The following FMN1 variants were observed in gnomAD, a reference collection of about 807,000 sequenced individuals.
The protein encoded by FMN1 is formin 1.
FMN1 carries 110 observed loss-of-function variants against 132.4 expected under a neutral mutation model. That is an observed-to-expected ratio of 0.83 (90% CI 0.71 to 0.97). The LOEUF is 0.97. Ranked by LOEUF, FMN1 falls within the 50% of genes least tolerant of loss-of-function variation. The probability of loss-of-function intolerance (pLI) is 0.00; values close to 1 mark genes in which losing one functional copy is unlikely to be tolerated. For missense variants in FMN1, 1,792 were observed against 1,705.3 expected, an observed-to-expected ratio of 1.05 and a Z score of -0.90; for synonymous variants, 722 against 651.7, an observed-to-expected ratio of 1.11 and a Z score of -1.64.
chr15:32,964,396 G>T (rs1279554199), intron 8 of FMN1, 139 bp from the exon 9 acceptor site: 1 of 623,754 alleles, frequency 1.6e-6, no homozygotes, highest in Non-Finnish European at 2.7e-6. Context: ...TTGGAGAAAA[G>T]CTTTTTATGT....
chr15:32,834,490 C>T (rs1333600240), intron 17 of FMN1, among the ~76,000 whole-genome samples: 4 of 152,162 alleles, frequency 2.6e-5, no homozygotes, highest in Admixed American at 2.6e-4. Context: ...AGATAAAACA[C>T]AAACAAAAGA....
intron 9 of FMN1, among the ~76,000 whole-genome samples, chr15:32,930,123 G>A (rs1159909166): frequency 2.6e-5 from 4 of 151,050 alleles, no homozygotes; most frequent in African/African-American, 9.8e-5. Context: ...CCAAGTAGCT[G>A]GGATTACAGG....
At chr15:32,785,945 C>T (rs1277914865) in intron 19 of FMN1, among the ~76,000 whole-genome samples, 2 of 152,130 alleles carry the variant, frequency 1.3e-5, no homozygotes, top group Admixed American at 6.5e-5. Context: ...ATATGAATCT[C>T]TTTAAAAAAA....
intron 7 of FMN1, among the ~76,000 whole-genome samples, chr15:32,975,471 C>G (rs897122361): frequency 1.3e-5 from 2 of 152,256 alleles, no homozygotes; most frequent in South Asian, 2.1e-4. Flanking sequence ...TTTCTCTTTG[C>G]TATTCCCATA....
intron 3 of FMN1, among the ~76,000 whole-genome samples, chr15:33,176,819 C>A (rs892813056): frequency 1.3e-5 from 2 of 152,162 alleles, no homozygotes; most frequent in African/African-American, 4.8e-5. Context: ...TTAAAGGAAT[C>A]CAGCTTCACT....
chr15:32,942,064 C>T (rs1358533576), intron 9 of FMN1, among the ~76,000 whole-genome samples: 1 of 152,180 alleles, frequency 6.6e-6, no homozygotes, highest in African/African-American at 2.4e-5. Flanking sequence ...TTAGACATGC[C>T]TAGTTTAAGG....
At chr15:32,888,413 G>T in intron 15 of FMN1, 121 bp from the exon 16 acceptor site, 1 of 811,750 alleles carries the variant, frequency 1.2e-6, no homozygotes. Context: ...AAGAATCATA[G>T]CAATGCTCCT....
At chr15:33,082,020 G>GGGGTGTGTGTGTGTGTGT (rs1355703560) in intron 5 of FMN1, among the ~76,000 whole-genome samples, 6 of 117,762 alleles carry the variant, frequency 5.1e-5, no homozygotes, top group African/African-American at 1.7e-4. Context: ...AGAGTTCAGG[G>GGGGTGTGTGTGTGTGTGT]GTGTGTGTGT....
At chr15:33,107,104 TCA>T (rs913546621) in intron 4 of FMN1, among the ~76,000 whole-genome samples, 14 of 152,150 alleles carry the variant, frequency 9.2e-5, no homozygotes, top group African/African-American at 2.9e-4. Context: ...TAAATAGCTC[TCA>T]GTTTCTAAGA....
intron 4 of FMN1, among the ~76,000 whole-genome samples, chr15:33,092,593 GT>G (rs557004704): frequency 2.0e-4 from 30 of 152,228 alleles, no homozygotes; most frequent in Admixed American, 1.2e-3. Context: ...TGGAACATCT[GT>G]CCCAGGCACA....
At chr15:32,799,078 G>A in intron 18 of FMN1, 125 bp from the exon 19 acceptor site, 1 of 704,370 alleles carries the variant, frequency 1.4e-6, no homozygotes, top group Non-Finnish European at 2.3e-6. Context: ...AGAAGCTGGG[G>A]GCTCATAGTT....
intron 12 of FMN1, among the ~76,000 whole-genome samples, chr15:32,905,774 G>A (rs1418911301): frequency 6.6e-6 from 1 of 152,144 alleles, no homozygotes; most frequent in African/African-American, 2.4e-5. Context: ...GCTTATAGTC[G>A]ACTCACTTGG....
chr15:32,961,523 T>C (rs997316107), intron 9 of FMN1, among the ~76,000 whole-genome samples: 7 of 152,172 alleles, frequency 4.6e-5, no homozygotes, highest in African/African-American at 1.7e-4. Context: ...CACAGAGTAC[T>C]ATACTTTTTC....
intron 14 of FMN1, 177 bp downstream of exon 14, chr15:32,899,802 C>CAAAAA: frequency 1.7e-6 from 1 of 597,074 alleles, no homozygotes; most frequent in East Asian, 3.0e-5. Context: ...AAAAACCAAA[C>CAAAAA]AAAACTCTTT....
chr15:32,788,498 C>A (rs1024991746), intron 19 of FMN1, among the ~76,000 whole-genome samples: 2 of 152,136 alleles, frequency 1.3e-5, no homozygotes, highest in African/African-American at 2.4e-5. Flanking sequence ...GCACTGAGAG[C>A]CTGTTTGCAT....
intron 4 of FMN1, among the ~76,000 whole-genome samples, chr15:33,114,795 A>G (rs981060171): frequency 2.6e-5 from 4 of 152,180 alleles, no homozygotes; most frequent in Non-Finnish European, 4.4e-5. Context: ...AAAGGAATAG[A>G]AATAATCCTA....
At chr15:33,124,561 G>T (rs560735685) in intron 4 of FMN1, among the ~76,000 whole-genome samples, 6 of 151,852 alleles carry the variant, frequency 4.0e-5, no homozygotes, top group Admixed American at 3.9e-4. Flanking sequence ...TTGAGTCATC[G>T]GAGTAGGAAA....
chr15:33,111,154 T>C (rs995522179), intron 4 of FMN1, among the ~76,000 whole-genome samples: 1 of 152,196 alleles, frequency 6.6e-6, no homozygotes, highest in Non-Finnish European at 1.5e-5. Flanking sequence ...GCTTTGCACA[T>C]GCCCTCTATA....
At chr15:32,955,581 A>AT (rs2061747673) in intron 9 of FMN1, among the ~76,000 whole-genome samples, 1 of 152,192 alleles carries the variant, frequency 6.6e-6, no homozygotes, top group African/African-American at 2.4e-5. Context: ...AATGGCCTGG[A>AT]TTGAGGATAA....
Sources: allele counts gnomAD v4.1 joint callset (sites outside exome capture counted in the v4.1 genomes callset), GRCh38; gene constraint gnomAD v4.1.1; transcripts MANE v1.5; gene names NCBI Gene and HGNC (gene_info 2026-07-23, HGNC 2026-07-21).